The following DMD variants were observed in gnomAD, a reference collection of about 807,000 sequenced individuals.
DMD encodes mutant dystrophin.
Under a neutral mutation model 330.1 loss-of-function variants are expected in DMD, and 63 were observed. The ratio of observed to expected loss-of-function variants is 0.19; its 90% CI spans 0.16 to 0.24. The LOEUF is 0.24. DMD is among the 10% of genes least tolerant of loss of function. The pLI, the probability that DMD is intolerant of heterozygous loss-of-function variation, is 1.00. For synonymous variants in DMD, 1,223 were observed against 959.8 expected, an observed-to-expected ratio of 1.27 and a Z score of -5.07; for missense variants, 3,344 against 2,684.1, an observed-to-expected ratio of 1.25 and a Z score of -5.43.
intron 60 of DMD, among the ~76,000 whole-genome samples, chrX:31,440,460 G>GT: frequency 8.9e-6 from 1 of 111,822 alleles, no homozygotes; most frequent in South Asian, 3.8e-4. Context: ...TTATTGCTTT[G>GT]TTAAGTCCAA....
chrX:31,317,392 T>G (rs1225636350), intron 62 of DMD, among the ~76,000 whole-genome samples: 4 of 111,756 alleles, frequency 3.6e-5, no homozygotes, highest in African/African-American at 1.3e-4. Context: ...ATATACTACA[T>G]GATGTGTTCA....
intron 44 of DMD, among the ~76,000 whole-genome samples, chrX:32,204,624 T>C (rs778472278): frequency 5.0e-4 from 56 of 111,183 alleles, no homozygotes; most frequent in Middle Eastern, 4.6e-3. Context: ...CCTTCTTGCA[T>C]TGCTATAAAG....
chrX:33,095,129 A>T (rs111636834), intron 1 of DMD, among the ~76,000 whole-genome samples: 3,928 of 112,522 alleles, frequency 0.035, 182 homozygotes, highest in African/African-American at 0.12. Context: ...TTTTTAAAAT[A>T]CATAAAATCT....
intron 44 of DMD, among the ~76,000 whole-genome samples, chrX:32,004,725 T>A (rs112602028): frequency 0.02 from 2,169 of 110,246 alleles, 64 homozygotes; most frequent in African/African-American, 0.068. Context: ...TCTTTGTCAC[T>A]TTTTTTTTCT....
chrX:32,640,251 A>G (rs778316184), intron 11 of DMD, among the ~76,000 whole-genome samples: 1 of 108,073 alleles, frequency 9.3e-6, no homozygotes, highest in South Asian at 4.1e-4. Context: ...TTGCATTCAC[A>G]AACTAACTTT....
chrX:32,847,977 C>A (rs1170751328), intron 3 of DMD, among the ~76,000 whole-genome samples: 1 of 111,807 alleles, frequency 8.9e-6, no homozygotes, highest in Non-Finnish European at 1.9e-5. Flanking sequence ...TATAAACACC[C>A]AAATCATGCT....
At chrX:31,912,447 G>A (rs949964888) in intron 47 of DMD, among the ~76,000 whole-genome samples, 2 of 111,512 alleles carry the variant, frequency 1.8e-5, no homozygotes, top group Non-Finnish European at 3.8e-5. Context: ...CAGGGAAAAT[G>A]CTTCCACAAC....
At chrX:32,808,828 T>C (rs1010443873) in intron 7 of DMD, among the ~76,000 whole-genome samples, 7 of 112,113 alleles carry the variant, frequency 6.2e-5, no homozygotes, top group Non-Finnish European at 1.3e-4. Flanking sequence ...AAAAGTGTAC[T>C]TCATAGGCTA....
rs781737056 is a variant in DMD at position 33,312,501 on chromosome X, G to A, written c.7+26758C>T. Among the ~76,000 whole-genome samples the A allele has an allele frequency of 3.2e-4, 36 of 111,662 alleles. No homozygotes were observed. The South Asian group carries it at 0.012, about 36-fold the overall frequency. ...AATACACCTGCATAACTTGAATGTCGTTCTGGGTTTTTAGTACTGTTGGAA... is the reference window on the plus strand; with the variant it reads ...AATACACCTGCATAACTTGAATGTCATTCTGGGTTTTTAGTACTGTTGGAA... On this transcript the variant is annotated intron_variant, in intron 1 of 17. Transcript: ENST00000288447.
intron 44 of DMD, among the ~76,000 whole-genome samples, chrX:32,170,458 C>T (rs889354421): frequency 1.3e-4 from 14 of 107,325 alleles, no homozygotes; most frequent in East Asian, 2.9e-4. Flanking sequence ...GGCAACAGAG[C>T]GAAACTCCAT....
At position 31,932,129 on chromosome X, in the gene DMD, A is replaced by G. The variant is rs1263279166; in HGVS notation, c.6713T>C (p.Leu2238Pro). The G allele has an allele frequency of 2.5e-6, 3 of 1,207,534 alleles. No homozygotes were observed. The highest frequency in any genetic ancestry group is 3.5e-5 in the African/African-American group (2 of 57,152). ...TAGTTGCTGCTCTTTTCCAGGTTCA[A>G]GTGGGATACTAGCAATGTTATCTGC... ...EEADNIASIP[L>P]EPGKEQQLKE... Residue 2238 changes from leucine (L) to proline (P), a missense_variant, in exon 46 of 79, where the codon CTT (leucine) becomes CCT (proline). Physicochemically the swap from Leu to Pro is moderately conservative, Grantham distance 98 (BLOSUM62 -3). Transcript: ENST00000357033.
At chrX:32,734,807 C>A (rs1339621772) in intron 7 of DMD, among the ~76,000 whole-genome samples, 1 of 105,814 alleles carries the variant, frequency 9.5e-6, no homozygotes, top group Non-Finnish European at 1.9e-5. Context: ...CAGCCAATAT[C>A]ATACTGAATG....
chrX:31,342,538 AT>A (rs2057832071), intron 61 of DMD, among the ~76,000 whole-genome samples: 1 of 111,430 alleles, frequency 9.0e-6, no homozygotes, highest in South Asian at 3.8e-4. Flanking sequence ...AATCAGTACT[AT>A]TTTTTTCAAG....
intron 30 of DMD, among the ~76,000 whole-genome samples, chrX:32,403,695 T>C (rs1203875644): frequency 8.9e-6 from 1 of 111,758 alleles, no homozygotes; most frequent in Non-Finnish European, 1.9e-5. Context: ...CACATAGGGG[T>C]GGCCTTTCAA....
chrX:32,646,176 T>C (rs898967813), intron 9 of DMD, among the ~76,000 whole-genome samples: 9 of 111,601 alleles, frequency 8.1e-5, no homozygotes, highest in African/African-American at 2.6e-4. Context: ...TTGCATGCTA[T>C]AGGAACCATA....
At chrX:31,923,876 G>A (rs759752031) in intron 47 of DMD, among the ~76,000 whole-genome samples, 3 of 111,802 alleles carry the variant, frequency 2.7e-5, no homozygotes, top group African/African-American at 6.5e-5. Flanking sequence ...GATTACAGGC[G>A]TGAGCCACCA....
intron 2 of DMD, among the ~76,000 whole-genome samples, chrX:32,940,748 G>A (rs897325009): frequency 5.4e-5 from 6 of 111,668 alleles, no homozygotes; most frequent in African/African-American, 2.0e-4. Flanking sequence ...GGTTAGGAAA[G>A]CATTTATGAC....
intron 61 of DMD, among the ~76,000 whole-genome samples, chrX:31,328,273 T>C (rs2056905008): frequency 9.0e-6 from 1 of 110,724 alleles, no homozygotes; most frequent in African/African-American, 3.4e-5. Context: ...TTAAAGGCTA[T>C]GAATGTTTTA....
At chrX:32,412,052 A>C (rs2098144213) in intron 29 of DMD, 139 bp from the exon 30 acceptor site, 6 of 1,190,971 alleles carry the variant, frequency 5.0e-6, no homozygotes, top group Non-Finnish European at 4.5e-6. Context: ...GCTTCCTGGC[A>C]CTCATTCAGC....
Sources: gnomAD v4.1 joint callset for allele counts (sites outside exome capture counted in the v4.1 genomes callset) on GRCh38, gnomAD v4.1.1 for gene constraint, MANE v1.5 for transcripts, NCBI Gene and HGNC (gene_info 2026-07-23, HGNC 2026-07-21) for gene names.